LCE7A: variants seen among roughly 807,000 people sequenced by gnomAD.
LCE7A encodes late cornified envelope protein 7A.
the LCE7A span, among the ~76,000 whole-genome samples, chr1:152,860,130 A>T: frequency 6.6e-6 from 1 of 152,166 alleles, no homozygotes; most frequent in Non-Finnish European, 1.5e-5. Context: ...ATGGAAATTG[A>T]TAATTCCAGG....
chr1:152,860,739 C>T, the LCE7A span, among the ~76,000 whole-genome samples: 1 of 152,216 alleles, frequency 6.6e-6, no homozygotes, highest in Non-Finnish European at 1.5e-5. Context: ...AGCTCCCTGC[C>T]AAGTGCCTCC....
the LCE7A span, among the ~76,000 whole-genome samples, chr1:152,861,089 C>G: frequency 6.6e-6 from 1 of 152,212 alleles, no homozygotes; most frequent in Non-Finnish European, 1.5e-5. Context: ...CTGAACTCAG[C>G]TGCCTAGCTC....
At chr1:152,860,491 T>A in the LCE7A span, among the ~76,000 whole-genome samples, 1 of 152,156 alleles carries the variant, frequency 6.6e-6, no homozygotes, top group Non-Finnish European at 1.5e-5. Flanking sequence ...AGAGAAGATG[T>A]CACCAGACTC....
the LCE7A span, among the ~76,000 whole-genome samples, chr1:152,860,724 A>G: frequency 6.6e-6 from 1 of 152,178 alleles, no homozygotes; most frequent in Admixed American, 6.5e-5. Context: ...ACCAGCAGAA[A>G]TGGCAGCTCC....
the LCE7A span, among the ~76,000 whole-genome samples, chr1:152,860,218 G>A: frequency 1.3e-5 from 2 of 152,128 alleles, no homozygotes; most frequent in African/African-American, 4.8e-5. Flanking sequence ...CAGAGACTGG[G>A]GCAGTGCAAG....
At chr1:152,860,468 C>G in the LCE7A span, among the ~76,000 whole-genome samples, 8 of 152,256 alleles carry the variant, frequency 5.3e-5, no homozygotes, top group South Asian at 1.5e-3. Flanking sequence ...TTGAGAGAAT[C>G]AGGCCAGGCA....
chr1:152,860,915 A>T, the LCE7A span, among the ~76,000 whole-genome samples: 1 of 152,194 alleles, frequency 6.6e-6, no homozygotes, highest in African/African-American at 2.4e-5. Context: ...CGTCAGCCCC[A>T]GCATTCTGAC....
the LCE7A span, among the ~76,000 whole-genome samples, chr1:152,860,452 G>A: frequency 6.6e-6 from 1 of 152,166 alleles, no homozygotes. Context: ...TTTGAAGTCA[G>A]GAGTCTTGAG....
At chr1:152,860,808 C>T in the LCE7A span, among the ~76,000 whole-genome samples, 1 of 152,210 alleles carries the variant, frequency 6.6e-6, no homozygotes, top group Non-Finnish European at 1.5e-5. Flanking sequence ...CTCCATGCCC[C>T]CCTCCAGCTC....
chr1:152,860,912 C>A, the LCE7A span, among the ~76,000 whole-genome samples: 1 of 152,288 alleles, frequency 6.6e-6, no homozygotes, highest in Admixed American at 6.5e-5. Flanking sequence ...CTGCGTCAGC[C>A]CCAGCATTCT....
chr1:152,861,219 T>C, the LCE7A span, among the ~76,000 whole-genome samples: 1 of 152,220 alleles, frequency 6.6e-6, no homozygotes, highest in African/African-American at 2.4e-5. Flanking sequence ...CTGATCTGTG[T>C]GCTAAAATAA....
chr1:152,860,004 A>G, the LCE7A span, among the ~76,000 whole-genome samples: 1 of 152,188 alleles, frequency 6.6e-6, no homozygotes, highest in Non-Finnish European at 1.5e-5. Context: ...CCGTAGTCCC[A>G]TCGTTTGCCC....
chr1:152,860,287 C>T, the LCE7A span, among the ~76,000 whole-genome samples: 1 of 151,950 alleles, frequency 6.6e-6, no homozygotes. Flanking sequence ...AGGTACAGCT[C>T]ATGATGCAAG....
chr1:152,860,618 G>A, the LCE7A span, among the ~76,000 whole-genome samples: 8 of 152,326 alleles, frequency 5.3e-5, no homozygotes, highest in South Asian at 1.7e-3. Context: ...GTAGAAAAAT[G>A]TTGATACAAA....
At chr1:152,860,815 G>C in the LCE7A span, among the ~76,000 whole-genome samples, 1 of 152,082 alleles carries the variant, frequency 6.6e-6, no homozygotes, top group Non-Finnish European at 1.5e-5. Context: ...CCCCCCTCCA[G>C]CTCCCTCCTG....
the LCE7A span, among the ~76,000 whole-genome samples, chr1:152,860,884 C>A: frequency 2.0e-5 from 3 of 152,174 alleles, no homozygotes; most frequent in South Asian, 6.2e-4. Context: ...AGTTTCACTC[C>A]GGTTTCCACG....
At chr1:152,860,011 G>T in the LCE7A span, among the ~76,000 whole-genome samples, 1 of 152,160 alleles carries the variant, frequency 6.6e-6, no homozygotes, top group African/African-American at 2.4e-5. Context: ...CCCATCGTTT[G>T]CCCAGGGTTA....
At chr1:152,860,007 G>A in the LCE7A span, among the ~76,000 whole-genome samples, 2 of 152,182 alleles carry the variant, frequency 1.3e-5, no homozygotes, top group Non-Finnish European at 2.9e-5. Flanking sequence ...TAGTCCCATC[G>A]TTTGCCCAGG....
At chr1:152,860,489 T>C in the LCE7A span, among the ~76,000 whole-genome samples, 1 of 152,252 alleles carries the variant, frequency 6.6e-6, no homozygotes, top group East Asian at 1.9e-4. Context: ...CAAGAGAAGA[T>C]GTCACCAGAC....
Sources: gnomAD v4.1 joint callset for allele counts (sites outside exome capture counted in the v4.1 genomes callset) on GRCh38, gnomAD v4.1.1 for gene constraint, MANE v1.5 for transcripts, NCBI Gene and HGNC (gene_info 2026-07-23, HGNC 2026-07-21) for gene names.